ARHGEF18: variants seen among roughly 807,000 people sequenced by gnomAD.
ARHGEF18 encodes rho guanine nucleotide exchange factor 18.
A neutral mutation model predicts 155.7 loss-of-function variants in ARHGEF18; 93 were observed. The observed-to-expected ratio is 0.60, with a 90% confidence interval of 0.50 to 0.71. The LOEUF is 0.71. Ranked by LOEUF, ARHGEF18 falls within the 30% of genes least tolerant of loss-of-function variation. ARHGEF18 has a pLI of 0.00. For missense variants in ARHGEF18, 1,593 were observed against 1,816.1 expected, an observed-to-expected ratio of 0.88 and a Z score of 2.23; for synonymous variants, 742 against 753.1, an observed-to-expected ratio of 0.99 and a Z score of 0.24.
At position 7,447,105 on chromosome 19, in the gene ARHGEF18, T is replaced by C; in HGVS notation, c.1674T>C (p.Asn558=). Residue 558 remains asparagine, a synonymous_variant, in exon 15 of 29, where the codon AAT becomes AAC. Transcript: ENST00000668164. ...ACGGTGTGTTTTGTAGTGGCCACAA[T>C]GAAGCTGTTAGTCATTACAAGTTGC... is the stretch of plus-strand genomic sequence containing the variant. ...EKYGVFCSGH[N]EAVSHYKLLL... is the part of the protein sequence containing the mutation. 1 of 1,613,868 alleles carries C rather than the reference T, an allele frequency of 6.2e-7. No homozygotes were observed. The highest frequency in any genetic ancestry group is 8.5e-7 in the Non-Finnish European group (1 of 1,179,964).
chr19:7,425,180 A>G (rs767622499), intron 10 of ARHGEF18, among the ~76,000 whole-genome samples: 94 of 151,998 alleles, frequency 6.2e-4, no homozygotes, highest in Non-Finnish European at 1.2e-3. Flanking sequence ...TATGCCCAAG[A>G]ATGTTCCACT....
rs555474337 is a variant in ARHGEF18, at chr19:7,448,586, G to T, written c.1737+1418G>T. 2.4e-3 allele frequency among the ~76,000 whole-genome samples: 371 copies of T among 152,086 alleles called. 1 individual carries two copies. Among genetic ancestry groups the T allele is most frequent in the African/African-American group, 8.7e-3 (359 of 41,480 alleles). On this transcript the variant is annotated intron_variant, in intron 15 of 28. Coordinates refer to ENST00000668164, the MANE Select transcript of ARHGEF18 (RefSeq NM_001367823.1). ...TGAGGCAGAAGAATGGTGTGAACCCGGGAGGCGGAGCGTGCAGTGAGCTGA... is the reference window on the plus strand; with the variant it reads ...TGAGGCAGAAGAATGGTGTGAACCCTGGAGGCGGAGCGTGCAGTGAGCTGA...
intron 10 of ARHGEF18, among the ~76,000 whole-genome samples, chr19:7,426,747 G>C (rs1465879528): frequency 2.0e-5 from 3 of 152,160 alleles, no homozygotes; most frequent in African/African-American, 7.2e-5. Context: ...TTAGGATGTG[G>C]ATATTTCCAG....
intron 2 of ARHGEF18, among the ~76,000 whole-genome samples, chr19:7,370,557 C>A (rs8102486): frequency 0.2 from 30,010 of 151,854 alleles, 6,760 homozygotes; most frequent in African/African-American, 0.54. Context: ...CATATGATCC[C>A]GCAATTCCAC....
chr19:7,475,624 G>A (rs1977212565), downstream of ARHGEF18, among the ~76,000 whole-genome samples: 1 of 152,184 alleles, frequency 6.6e-6, no homozygotes, highest in Admixed American at 6.5e-5. Context: ...CAACCTGTCT[G>A]CTCTGTGCCT....
intron 2 of ARHGEF18, among the ~76,000 whole-genome samples, chr19:7,366,038 C>A (rs1263495533): frequency 1.3e-5 from 2 of 152,162 alleles, no homozygotes; most frequent in African/African-American, 4.8e-5. Flanking sequence ...CTCCACCTCC[C>A]AGGTTCAAGA....
rs1415819560 is a variant in ARHGEF18, at chr19:7,470,946, C to A, written c.*648C>A. 7.5e-6 allele frequency: 3 copies of A among 400,478 alleles called. No homozygotes were observed. The highest frequency in any genetic ancestry group is 1.3e-5 in the Non-Finnish European group (3 of 225,958). The allele number at this position is 400,478 out of a possible 1,614,324, so 24.8% of individuals were successfully genotyped here. On this transcript the variant is annotated 3_prime_UTR_variant, in exon 29 of 29. Coordinates refer to ENST00000668164, the MANE Select transcript of ARHGEF18 (RefSeq NM_001367823.1). This position sits in a 1 kb window ranked among gnomAD's most constrained non-coding sequence, Gnocchi z 5.9. ...GGCCCACTGAGGGAACATCAGTGGCCCTCCAGTCAGGTTCTGTGGGTTTGG... is the reference window on the plus strand; with the variant it reads ...GGCCCACTGAGGGAACATCAGTGGCACTCCAGTCAGGTTCTGTGGGTTTGG...
chr19:7,364,315 GGATA>G (rs1969779309), intron 2 of ARHGEF18, among the ~76,000 whole-genome samples: 1 of 146,620 alleles, frequency 6.8e-6, no homozygotes, highest in Non-Finnish European at 1.5e-5. Context: ...GAGGGGTAAT[GGATA>G]GATGAGAAGA....
At chr19:7,390,650 G>C (rs1303654373) in intron 10 of ARHGEF18, 1 of 151,998 alleles carries the variant, frequency 6.6e-6, no homozygotes, top group Non-Finnish European at 1.5e-5. Context: ...TTTTGTTATT[G>C]TCATTTAAAG....
chr19:7,410,432 A>C lies in ARHGEF18; in HGVS notation c.967+27229A>C, dbSNP rs142421572. Among the ~76,000 whole-genome samples the C allele has an allele frequency of 1.3e-4, 20 of 151,802 alleles. No individual in the cohort carries two copies. In the East Asian group the frequency reaches 3.7e-3, roughly 28 times the overall value. ...TACATACACACACACATATGTATATAAATCTTCCAGCTTTCTGGAAGATTT... is the reference window on the plus strand; with the variant it reads ...TACATACACACACACATATGTATATCAATCTTCCAGCTTTCTGGAAGATTT... On this transcript the variant is annotated intron_variant, in intron 10 of 28. Transcript: ENST00000668164.
intron 13 of ARHGEF18, among the ~76,000 whole-genome samples, chr19:7,443,958 G>A (rs1281207117): frequency 6.6e-6 from 1 of 152,012 alleles, no homozygotes; most frequent in Non-Finnish European, 1.5e-5. Flanking sequence ...TTGACACTGG[G>A]CGCAAAACCC....
intron 10 of ARHGEF18, among the ~76,000 whole-genome samples, chr19:7,406,882 G>A (rs1460128232): frequency 6.7e-6 from 1 of 150,052 alleles, no homozygotes; most frequent in South Asian, 2.1e-4. Context: ...GTGAAACCCC[G>A]TCTCTACTAA....
chr19:7,450,589 T>TTTCC (rs1975336348), intron 15 of ARHGEF18, among the ~76,000 whole-genome samples: 1 of 170 alleles, frequency 5.9e-3, no homozygotes, highest in African/African-American at 0.017. Flanking sequence ...TCTTGCTTTC[T>TTTCC]GTTTCCAAGA....
intron 1 of ARHGEF18, among the ~76,000 whole-genome samples, chr19:7,351,103 C>T (rs1360424249): frequency 6.6e-6 from 1 of 151,852 alleles, no homozygotes; most frequent in African/African-American, 2.4e-5. Flanking sequence ...CTCGCTCAGC[C>T]TTTATGAAGT....
chr19:7,383,136 G>A lies in ARHGEF18; in HGVS notation c.900G>A (p.Gln300=), dbSNP rs1166763004. 8.1e-7 allele frequency: 1 copy of A among 1,232,306 alleles called. No homozygotes were observed. The highest frequency in any genetic ancestry group is 1.0e-6 in the Non-Finnish European group (1 of 988,108). 76.3% of individuals were successfully genotyped at this position (1,232,306 alleles called of 1,614,324 possible). ...GGCGGGAGTGTGTCAATGGGCACCAGCTGTTGCAAGGGACCTTCTCCGGCC... is the reference window on the plus strand; with the variant it reads ...GGCGGGAGTGTGTCAATGGGCACCAACTGTTGCAAGGGACCTTCTCCGGCC... The part of the protein sequence containing the change: ...RERRECVNGH[Q]LLQGTFSGPS... Residue 300 remains glutamine (Q), a synonymous_variant, in exon 10 of 29, where the codon CAG becomes CAA. Transcript: ENST00000668164.
chr19:7,398,251 A>G (rs1208617890), intron 10 of ARHGEF18, among the ~76,000 whole-genome samples: 1 of 151,530 alleles, frequency 6.6e-6, no homozygotes, highest in Non-Finnish European at 1.5e-5. Context: ...TTGTATTTTT[A>G]GTAGAGGCGG....
intron 8 of ARHGEF18, among the ~76,000 whole-genome samples, chr19:7,381,732 A>G (rs1970754019): frequency 6.6e-6 from 1 of 150,984 alleles, no homozygotes; most frequent in African/African-American, 2.4e-5. Context: ...TAAAAATAAA[A>G]AGAGCAGTGG....
chr19:7,450,660 G>A, intron 15 of ARHGEF18, among the ~76,000 whole-genome samples: 1 of 124 alleles, frequency 8.1e-3, no homozygotes, highest in Non-Finnish European at 0.017. Flanking sequence ...GGATCTTGCT[G>A]TCCATTTCCG....
intron 10 of ARHGEF18, chr19:7,439,635 GC>G: frequency 9.2e-7 from 1 of 1,091,112 alleles, no homozygotes; most frequent in South Asian, 3.3e-5. Context: ...TCGGAGCCTC[GC>G]GTCCACTTCG....
Sources: gnomAD v4.1 joint callset for allele counts (sites outside exome capture counted in the v4.1 genomes callset) on GRCh38, gnomAD v4.1.1 for gene constraint, Gnocchi (gnomAD v3.1) non-coding constraint, MANE v1.5 for transcripts, NCBI Gene and HGNC (gene_info 2026-07-23, HGNC 2026-07-21) for gene names.